Variants in LHFPL2 observed in about 807,000 individuals in gnomAD.
LHFPL2 encodes the protein LHFPL tetraspan subfamily member 2.
A neutral mutation model predicts 17.5 loss-of-function variants in LHFPL2; 7 were observed. That is an observed-to-expected ratio of 0.40 (90% CI 0.23 to 0.75). The LOEUF (loss-of-function observed/expected upper bound fraction) is 0.75, where lower values mean the gene tolerates loss of function less well. Among genes scored for constraint, LHFPL2 ranks in the 30% least tolerant of loss-of-function variants. The probability of loss-of-function intolerance (pLI) is 0.37; values close to 1 mark genes in which losing one functional copy is unlikely to be tolerated. For missense variants in LHFPL2, 241 were observed against 294.8 expected (o/e 0.82, Z 1.34); for synonymous variants, 134 against 116.2 (o/e 1.15, Z -0.99).
At chr5:78,514,962 C>A (rs1236392547) in intron 3 of LHFPL2, among the ~76,000 whole-genome samples, 1 of 152,206 alleles carries the variant, frequency 6.6e-6, no homozygotes, top group Non-Finnish European at 1.5e-5. Flanking sequence ...ATAGCATACA[C>A]ACTCACACAT....
At chr5:78,551,543 A>AAGCTGTCTACCTTGTT (rs1264368305) in intron 3 of LHFPL2, among the ~76,000 whole-genome samples, 1 of 152,094 alleles carries the variant, frequency 6.6e-6, no homozygotes, top group Non-Finnish European at 1.5e-5. Flanking sequence ...TCCCTCTAAC[A>AAGCTGTCTACCTTGTT]AGGTAGCTAT....
At chr5:78,496,860 C>CTTT (rs1754623426) in intron 4 of LHFPL2, among the ~76,000 whole-genome samples, 1 of 152,168 alleles carries the variant, frequency 6.6e-6, no homozygotes, top group East Asian at 1.9e-4. Context: ...CACAAGGGTG[C>CTTT]CCAGGGCTCA....
chr5:78,646,592 G>A (rs1266586177), intron 1 of LHFPL2, among the ~76,000 whole-genome samples: 1 of 152,076 alleles, frequency 6.6e-6, no homozygotes, highest in Non-Finnish European at 1.5e-5. Context: ...CCTATATTTG[G>A]GTTTACCACT....
intron 3 of LHFPL2, among the ~76,000 whole-genome samples, chr5:78,561,555 T>A (rs950827239): frequency 1.1e-4 from 16 of 152,238 alleles, no homozygotes; most frequent in African/African-American, 3.6e-4. Flanking sequence ...TCATCTTCCC[T>A]GGTCCAAACT....
chr5:78,525,735 C>G (rs1300897983), intron 3 of LHFPL2, among the ~76,000 whole-genome samples: 1 of 152,172 alleles, frequency 6.6e-6, no homozygotes, highest in Non-Finnish European at 1.5e-5. Context: ...TGTGCACCTT[C>G]TAAAAACTGC....
intron 3 of LHFPL2, among the ~76,000 whole-genome samples, chr5:78,544,736 T>C (rs1167645644): frequency 1.4e-5 from 2 of 143,626 alleles, no homozygotes; most frequent in Non-Finnish European, 3.0e-5. Flanking sequence ...TGCCAGGAAG[T>C]CCCAGGCCAT....
chr5:78,613,813 T>C (rs1022352240), intron 2 of LHFPL2, among the ~76,000 whole-genome samples: 3 of 152,194 alleles, frequency 2.0e-5, no homozygotes, highest in Non-Finnish European at 4.4e-5. Context: ...GGTTGTATGA[T>C]CTTAGTAAAG....
At chr5:78,629,883 T>C (rs2112511716) in intron 2 of LHFPL2, among the ~76,000 whole-genome samples, 1 of 152,260 alleles carries the variant, frequency 6.6e-6, no homozygotes, top group South Asian at 2.1e-4. Flanking sequence ...ACATACAAAT[T>C]CAACTGATAA....
At chr5:78,493,209 A>G (rs1159296645) in intron 4 of LHFPL2, among the ~76,000 whole-genome samples, 2 of 152,220 alleles carry the variant, frequency 1.3e-5, no homozygotes, top group Non-Finnish European at 2.9e-5. Context: ...TGAATGCCAC[A>G]CGTAGTCCTC....
In LHFPL2 at chr5:78,510,002, G is replaced by A; in HGVS notation, c.212C>T (p.Pro71Leu). 1 of 1,613,378 alleles carries A rather than the reference G, an allele frequency of 6.2e-7. No individual in the cohort carries two copies. The highest frequency in any genetic ancestry group is 8.5e-7 in the Non-Finnish European group (1 of 1,179,804). ...GTCCCGCTGGAAGTGCTGCACCCCTGGGTTCCGGATGCAGCGGGCGTAGAT... is the reference window on the plus strand; with the variant it reads ...GTCCCGCTGGAAGTGCTGCACCCCTAGGTTCCGGATGCAGCGGGCGTAGAT... ...LGIYARCIRN[P>L]GVQHFQRDTL... Residue 71 changes from proline (P) to leucine (L), a missense_variant, in exon 4 of 5, where the codon CCA (proline) becomes CTA (leucine). Pro to Leu is a moderately conservative substitution (Grantham distance 98). Coordinates refer to ENST00000380345, the MANE Select transcript of LHFPL2 (RefSeq NM_005779.3).
intron 3 of LHFPL2, among the ~76,000 whole-genome samples, chr5:78,562,592 G>A (rs1297077815): frequency 6.7e-6 from 1 of 149,040 alleles, no homozygotes; most frequent in African/African-American, 2.5e-5. Context: ...CCAAGATCAT[G>A]TCACTGCACT....
intron 2 of LHFPL2, chr5:78,590,225 C>T (rs1258230254): frequency 6.6e-6 from 1 of 152,044 alleles, no homozygotes; most frequent in African/African-American, 2.4e-5. Context: ...ACAACAACAA[C>T]AAACGGGCAA....
rs1339949467 is a variant in LHFPL2, at chr5:78,510,021, C to T, written c.193G>A (p.Ala65Thr). Residue 65 changes from alanine (A) to threonine (T), a missense_variant, in exon 4 of 5, where the codon GCC becomes ACC. Physicochemically the swap from Ala to Thr is moderately conservative, Grantham distance 58 (BLOSUM62 0). Transcript: ENST00000380345. ...ACCCCTGGGTTCCGGATGCAGCGGG[C>T]GTAGATGCCCAGGGTGGGGTGGTAG... ...EPYHPTLGIY[A>T]RCIRNPGVQH... 1 of 1,612,042 alleles carries T rather than the reference C, an allele frequency of 6.2e-7. No homozygotes were observed. Among genetic ancestry groups the T allele is most frequent in the South Asian group, 1.1e-5 (1 of 90,884 alleles).
intron 2 of LHFPL2, among the ~76,000 whole-genome samples, chr5:78,611,333 C>T (rs1744417294): frequency 6.6e-6 from 1 of 152,222 alleles, no homozygotes; most frequent in Non-Finnish European, 1.5e-5. Flanking sequence ...CAAAGGAGAA[C>T]TCCACCTGGG....
At chr5:78,582,716 A>G (rs903557740) in intron 2 of LHFPL2, among the ~76,000 whole-genome samples, 6 of 152,178 alleles carry the variant, frequency 3.9e-5, no homozygotes, top group African/African-American at 1.4e-4. Context: ...GTATGTGGTC[A>G]ATTTTGGAAT....
intron 2 of LHFPL2, among the ~76,000 whole-genome samples, chr5:78,603,105 G>A (rs1744080997): frequency 6.6e-6 from 1 of 152,124 alleles, no homozygotes; most frequent in East Asian, 1.9e-4. Context: ...TGTTGGCCAG[G>A]ATGGTCTCGA....
intron 3 of LHFPL2, among the ~76,000 whole-genome samples, chr5:78,562,175 T>C (rs1756746454): frequency 6.6e-6 from 1 of 152,180 alleles, no homozygotes; most frequent in Admixed American, 6.5e-5. Context: ...ATCTTTTTGT[T>C]GGTCAATCTT....
At chr5:78,644,121 T>A (rs61240757) in intron 1 of LHFPL2, 1 of 460,542 alleles carries the variant, frequency 2.2e-6, no homozygotes, top group Non-Finnish European at 3.9e-6. Flanking sequence ...CATTTGGTAG[T>A]GTGTTAACTA....
intron 3 of LHFPL2, among the ~76,000 whole-genome samples, chr5:78,540,708 C>A (rs1411283104): frequency 2.6e-5 from 4 of 152,244 alleles, no homozygotes; most frequent in Non-Finnish European, 4.4e-5. Context: ...GTTGGAACAA[C>A]TACCAATGTC....
Sources: allele counts gnomAD v4.1 joint callset (sites outside exome capture counted in the v4.1 genomes callset), GRCh38; gene constraint gnomAD v4.1.1; transcripts MANE v1.5; gene names NCBI Gene and HGNC (gene_info 2026-07-23, HGNC 2026-07-21).